COL4A4: variants seen among roughly 807,000 people sequenced by gnomAD.
COL4A4 encodes collagen alpha-4(IV) chain.
Under a neutral mutation model 192.9 loss-of-function variants are expected in COL4A4, and 105 were observed. The observed-to-expected ratio is 0.54, with a 90% CI of 0.46 to 0.64. COL4A4 has a LOEUF of 0.64. Among genes scored for constraint, COL4A4 ranks in the 30% least tolerant of loss-of-function variants. COL4A4 has a pLI of 0.00. For synonymous variants in COL4A4, 762 were observed against 769.9 expected, an observed-to-expected ratio of 0.99 and a Z score of 0.17; for missense variants, 1,967 against 2,169.3, an observed-to-expected ratio of 0.91 and a Z score of 1.85.
rs550311262 is a variant in COL4A4, at chr2:227,006,967, T to C, written c.*358A>G. ...TATAGAGTAATTGACTTCAATTGTT[T>C]GAGATACTGTTAACCCAAGAATGAA... is the stretch of plus-strand genomic sequence containing the variant. On this transcript the variant is annotated 3_prime_UTR_variant, in exon 48 of 48. Transcript: ENST00000396625. 43 of 325,700 alleles carry C rather than the reference T, an allele frequency of 1.3e-4. No homozygotes were observed. Among genetic ancestry groups the C allele is most frequent in the Non-Finnish European group, 2.1e-4 (36 of 169,090 alleles). 20.2% of individuals were successfully genotyped at this position (325,700 alleles called of 1,614,324 possible). A position where few individuals can be genotyped will look rare whatever the true frequency, so the allele number is the denominator to read the frequency against.
intron 28 of COL4A4, 119 bp from the exon 29 acceptor site, chr2:227,057,719 A>ACGCATATCAATACTGGAGGTGAAC: frequency 1.0e-5 from 11 of 1,069,950 alleles, no homozygotes; most frequent in African/African-American, 3.1e-5. Flanking sequence ...ATCAGTGTTC[A>ACGCATATCAATACTGGAGGTGAAC]AATGGGTTAA....
At chr2:227,007,907 A>G in intron 47 of COL4A4, 111 bp downstream of exon 47, 1 of 1,356,720 alleles carries the variant, frequency 7.4e-7, no homozygotes, top group Non-Finnish European at 1.0e-6. Flanking sequence ...CCGTAACCTT[A>G]TGTCCTAAGC....
At chr2:227,130,945 C>T (rs1167435260) in intron 4 of COL4A4, among the ~76,000 whole-genome samples, 3 of 152,076 alleles carry the variant, frequency 2.0e-5, no homozygotes, top group Non-Finnish European at 4.4e-5. Flanking sequence ...CCACACTCAC[C>T]CCCTCGCTAA....
intron 2 of COL4A4, 32 bp from the exon 3 acceptor site, chr2:227,144,590 AAC>A (rs769962157): frequency 2.0e-5 from 31 of 1,524,844 alleles, no homozygotes; most frequent in African/African-American, 6.8e-5. Flanking sequence ...GATTAATTTA[AAC>A]AGTTTCTTTT....
chr2:227,113,724 T>G (rs1392456889), intron 8 of COL4A4, among the ~76,000 whole-genome samples: 1 of 152,210 alleles, frequency 6.6e-6, no homozygotes, highest in Non-Finnish European at 1.5e-5. Flanking sequence ...TCTTGCTGTT[T>G]AAGAAGGACA....
At chr2:227,146,119 A>G (rs924385349) in intron 2 of COL4A4, among the ~76,000 whole-genome samples, 4 of 152,218 alleles carry the variant, frequency 2.6e-5, no homozygotes, top group Non-Finnish European at 5.9e-5. Flanking sequence ...TTTATAGAAG[A>G]GCAAACAGAC....
chr2:227,113,057 G>T (rs2061307820), intron 8 of COL4A4, among the ~76,000 whole-genome samples: 1 of 152,120 alleles, frequency 6.6e-6, no homozygotes, highest in Admixed American at 6.6e-5. Context: ...CTTGCTTTCA[G>T]TTCTTTGGGG....
chr2:227,057,140 CA>C (rs1278426210), intron 29 of COL4A4, among the ~76,000 whole-genome samples: 1 of 152,138 alleles, frequency 6.6e-6, no homozygotes, highest in Non-Finnish European at 1.5e-5. Context: ...GCACTTTCCT[CA>C]ATAGGAAAAG....
chr2:227,077,815 T>C (rs2059114265), intron 25 of COL4A4, 79 bp downstream of exon 25: 1 of 1,297,590 alleles, frequency 7.7e-7, no homozygotes, highest in Admixed American at 2.0e-5. Flanking sequence ...AATTCACCAC[T>C]ATATAATTCT....
intron 29 of COL4A4, 90 bp from the exon 30 acceptor site, chr2:227,056,205 G>C: frequency 9.0e-7 from 1 of 1,106,586 alleles, no homozygotes; most frequent in Non-Finnish European, 1.4e-6. Flanking sequence ...TAAACAATGC[G>C]TTAAACAACA....
intron 25 of COL4A4, among the ~76,000 whole-genome samples, chr2:227,071,378 C>T (rs2058713624): frequency 6.6e-6 from 1 of 152,076 alleles, no homozygotes; most frequent in South Asian, 2.1e-4. Flanking sequence ...GCACCAAACA[C>T]TGGAGCTTTT....
intron 4 of COL4A4, among the ~76,000 whole-genome samples, chr2:227,133,844 T>C (rs2062639684): frequency 6.7e-6 from 1 of 149,282 alleles, no homozygotes; most frequent in African/African-American, 2.5e-5. Flanking sequence ...TGAGCCAAGA[T>C]AGCGCCACGA....
At position 227,005,979 on chromosome 2, in the gene COL4A4, A is replaced by G. The variant is rs55869005; in HGVS notation, c.*1346T>C. 2.1e-3 allele frequency: 326 copies of G among 152,368 alleles called. 3 individuals are homozygous for G. The highest frequency in any genetic ancestry group is 2.5e-3 in the Admixed American group (38 of 15,298). The allele number at this position is 152,368 out of a possible 1,614,324, so 9.4% of individuals were successfully genotyped here. On this transcript the variant is annotated 3_prime_UTR_variant, in exon 48 of 48. Transcript: ENST00000396625. ...CATTATAAATTGACACACATTCTAA[A>G]CTTTTTTAGAAAATACTAATGCCAA...
At chr2:227,077,103 C>A (rs1398481602) in intron 25 of COL4A4, among the ~76,000 whole-genome samples, 3 of 151,974 alleles carry the variant, frequency 2.0e-5, no homozygotes, top group African/African-American at 7.3e-5. Flanking sequence ...GATCTAGAAT[C>A]AAAAATACCA....
intron 1 of COL4A4, among the ~76,000 whole-genome samples, chr2:227,147,991 C>T (rs966604955): frequency 5.9e-5 from 9 of 151,990 alleles, no homozygotes. Context: ...AAGGAAACTT[C>T]TAGTATACAA....
chr2:227,110,989 G>C (rs145171510), intron 9 of COL4A4, among the ~76,000 whole-genome samples: 1,570 of 152,290 alleles, frequency 0.01, 13 homozygotes, highest in Non-Finnish European at 0.017. Context: ...CGGCAAAACT[G>C]CTCTCAATTT....
At chr2:227,131,688 CA>C (rs1462313700) in intron 4 of COL4A4, among the ~76,000 whole-genome samples, 1 of 152,198 alleles carries the variant, frequency 6.6e-6, no homozygotes, top group Non-Finnish European at 1.5e-5. Flanking sequence ...CCTTAGACGG[CA>C]AAAGACCTGA....
intron 1 of COL4A4, among the ~76,000 whole-genome samples, chr2:227,162,090 TAGGTCACACTAGTA>T (rs1454179730): frequency 1.1e-4 from 17 of 152,156 alleles, no homozygotes; most frequent in African/African-American, 3.9e-4. Context: ...CCAGAGAGGT[TAGGTCACACTAGTA>T]AGTATGGAAA....
rs1172144527 is a variant in COL4A4, at chr2:227,045,853, T to C, written c.3289+1622A>G. Among the ~76,000 whole-genome samples the C allele has an allele frequency of 1.0e-4, 9 of 85,826 alleles. 3 individuals carry two copies. Among genetic ancestry groups the C allele is most frequent in the Non-Finnish European group, 1.9e-4 (9 of 46,302 alleles). The allele number at this position is 85,826 out of a possible 152,430, so 56.3% of individuals were successfully genotyped here. ...ATATACACACATATATATATACACATATATATATACACATATATATACATA... is the reference window on the plus strand; with the variant it reads ...ATATACACACATATATATATACACACATATATATACACATATATATACATA... On this transcript the variant is annotated intron_variant, in intron 35 of 47. Coordinates refer to ENST00000396625, the MANE Select transcript of COL4A4 (RefSeq NM_000092.5).
Sources: gnomAD v4.1 joint callset for allele counts (sites outside exome capture counted in the v4.1 genomes callset) on GRCh38, gnomAD v4.1.1 for gene constraint, MANE v1.5 for transcripts, NCBI Gene and HGNC (gene_info 2026-07-23, HGNC 2026-07-21) for gene names.